The following MAGI2 variants were observed in gnomAD, a reference collection of about 807,000 sequenced individuals.
MAGI2 encodes the protein membrane-associated guanylate kinase, WW and PDZ domain-containing protein 2.
A neutral mutation model predicts 133.3 loss-of-function variants in MAGI2; 35 were observed. That is an observed-to-expected ratio of 0.26 (90% CI 0.20 to 0.35). MAGI2 has a LOEUF of 0.35. Among genes scored for constraint, MAGI2 ranks in the 10% least tolerant of loss-of-function variants. The pLI, the probability that MAGI2 is intolerant of heterozygous loss-of-function variation, is 1.00. For missense variants in MAGI2, 1,636 were observed against 1,863.4 expected (o/e 0.88, Z 2.25); for synonymous variants, 729 against 710.6 (o/e 1.03, Z -0.41).
At chr7:79,130,878 A>G (rs1192048006) in intron 1 of MAGI2, among the ~76,000 whole-genome samples, 3 of 152,120 alleles carry the variant, frequency 2.0e-5, no homozygotes, top group African/African-American at 7.2e-5. Flanking sequence ...ATTATGGAAC[A>G]CTAGTCTTGA....
chr7:79,384,096 C>A (rs1211284245), intron 1 of MAGI2, among the ~76,000 whole-genome samples: 4 of 141,134 alleles, frequency 2.8e-5, no homozygotes, highest in African/African-American at 1.1e-4. Context: ...CCAATGTATT[C>A]ACCTAACATT....
chr7:78,100,258 G>T (rs895212558), intron 20 of MAGI2, among the ~76,000 whole-genome samples: 2 of 152,166 alleles, frequency 1.3e-5, no homozygotes, highest in East Asian at 1.9e-4. Flanking sequence ...CAGGAGGGCT[G>T]CTTTTTCCCC....
chr7:79,289,604 C>A (rs1585441747), intron 1 of MAGI2, among the ~76,000 whole-genome samples: 1 of 152,052 alleles, frequency 6.6e-6, no homozygotes, highest in African/African-American at 2.4e-5. Flanking sequence ...AGACCCAGAT[C>A]AAAGACATTA....
At chr7:79,235,149 G>C (rs1010635520) in intron 1 of MAGI2, among the ~76,000 whole-genome samples, 3 of 151,712 alleles carry the variant, frequency 2.0e-5, no homozygotes, top group Admixed American at 1.3e-4. Flanking sequence ...CAGTCTGCCC[G>C]TTCTCAGATC....
At chr7:78,945,523 C>G (rs1220586167) in intron 2 of MAGI2, among the ~76,000 whole-genome samples, 2 of 152,136 alleles carry the variant, frequency 1.3e-5, no homozygotes, top group Non-Finnish European at 2.9e-5. Context: ...AACATCCACT[C>G]TTTACATTTT....
At chr7:79,298,143 T>C (rs1837089661) in intron 1 of MAGI2, among the ~76,000 whole-genome samples, 1 of 152,198 alleles carries the variant, frequency 6.6e-6, no homozygotes, top group South Asian at 2.1e-4. Context: ...AATACTGTCT[T>C]ATTAGTTTAA....
chr7:78,389,612 T>G (rs1795716402), intron 6 of MAGI2, among the ~76,000 whole-genome samples: 1 of 152,208 alleles, frequency 6.6e-6, no homozygotes, highest in African/African-American at 2.4e-5. Flanking sequence ...TTTGGCTTCC[T>G]GTGATATTAA....
chr7:78,646,579 A>G (rs1176013081), intron 2 of MAGI2, among the ~76,000 whole-genome samples: 1 of 152,228 alleles, frequency 6.6e-6, no homozygotes. Context: ...ACTCCTTTGC[A>G]AATATTTTTC....
At chr7:78,198,393 T>C (rs1469316263) in intron 11 of MAGI2, among the ~76,000 whole-genome samples, 3 of 150,284 alleles carry the variant, frequency 2.0e-5, no homozygotes, top group Admixed American at 6.7e-5. Flanking sequence ...AGGCATCAAA[T>C]AGTAAAACAG....
intron 2 of MAGI2, among the ~76,000 whole-genome samples, chr7:78,700,967 T>C (rs1027970383): frequency 1.3e-5 from 2 of 148,974 alleles, no homozygotes; most frequent in South Asian, 4.2e-4. Context: ...ATAATTTAAA[T>C]ATATGAAAGT....
At chr7:78,316,896 CTT>C (rs1787466016) in intron 9 of MAGI2, among the ~76,000 whole-genome samples, 1 of 152,140 alleles carries the variant, frequency 6.6e-6, no homozygotes, top group South Asian at 2.1e-4. Context: ...GTTTTTTTCT[CTT>C]TACTTACAAA....
intron 1 of MAGI2, among the ~76,000 whole-genome samples, chr7:79,116,988 G>A (rs1275181951): frequency 6.6e-6 from 1 of 152,148 alleles, no homozygotes; most frequent in Non-Finnish European, 1.5e-5. Flanking sequence ...TACAACAACA[G>A]AAAAATGGGC....
chr7:79,250,123 G>A (rs1052525454), intron 1 of MAGI2, among the ~76,000 whole-genome samples: 1 of 151,786 alleles, frequency 6.6e-6, no homozygotes, highest in South Asian at 2.1e-4. Flanking sequence ...AAAAAACTGG[G>A]TATAGAAAAA....
chr7:78,801,992 A>G (rs1429049296), intron 2 of MAGI2, among the ~76,000 whole-genome samples: 1 of 152,200 alleles, frequency 6.6e-6, no homozygotes, highest in Non-Finnish European at 1.5e-5. Flanking sequence ...ATGTCATTTT[A>G]CTACATTATG....
In MAGI2 at chr7:78,981,906, G is replaced by A. The variant is rs577534479; in HGVS notation, c.418+25184C>T. Among the ~76,000 whole-genome samples the A allele has an allele frequency of 1.3e-4, 19 of 151,932 alleles. No homozygotes were observed. In the South Asian group the frequency reaches 2.9e-3, roughly 23 times the overall value. ...CCTGCCTAGAGCCTCAGACCAAGAC[G>A]ATATTCCTTGACAATTCCCTGGCTC... On this transcript the variant is annotated intron_variant, in intron 2 of 21. Transcript: ENST00000354212.
At chr7:79,054,826 T>C (rs1812997248) in intron 1 of MAGI2, among the ~76,000 whole-genome samples, 1 of 152,228 alleles carries the variant, frequency 6.6e-6, no homozygotes, top group Admixed American at 6.5e-5. Context: ...AGTCCCGCTC[T>C]GTCACCCAGG....
chr7:78,324,658 A>G (rs1411550727), intron 9 of MAGI2, among the ~76,000 whole-genome samples: 1 of 152,164 alleles, frequency 6.6e-6, no homozygotes, highest in African/African-American at 2.4e-5. Context: ...TTATTAAGCT[A>G]TTTTTTAAAA....
chr7:79,391,213 A>G (rs1020453347), intron 1 of MAGI2, among the ~76,000 whole-genome samples: 8 of 152,128 alleles, frequency 5.3e-5, no homozygotes, highest in African/African-American at 1.4e-4. Context: ...GAAAATGAGT[A>G]GAAACAAGCT....
intron 1 of MAGI2, among the ~76,000 whole-genome samples, chr7:79,201,952 T>A (rs1828650972): frequency 6.6e-6 from 1 of 152,038 alleles, no homozygotes; most frequent in African/African-American, 2.4e-5. Flanking sequence ...AAATGGTTAG[T>A]CCTCTTTTTA....
Sources: gnomAD v4.1 joint callset for allele counts (sites outside exome capture counted in the v4.1 genomes callset) on GRCh38, gnomAD v4.1.1 for gene constraint, MANE v1.5 for transcripts, NCBI Gene and HGNC (gene_info 2026-07-23, HGNC 2026-07-21) for gene names.